Variants in PPARGC1A observed in about 807,000 individuals in gnomAD.
The protein encoded by PPARGC1A is PPARG coactivator 1 alpha.
A neutral mutation model predicts 88.7 loss-of-function variants in PPARGC1A; 25 were observed. The observed-to-expected ratio is 0.28, with a 90% CI of 0.21 to 0.39. The LOEUF is 0.39. Among genes scored for constraint, PPARGC1A ranks in the 10% least tolerant of loss-of-function variants. PPARGC1A has a pLI of 1.00. For synonymous variants in PPARGC1A, 363 were observed against 355.6 expected, an observed-to-expected ratio of 1.02 and a Z score of -0.24; for missense variants, 880 against 968.7, an observed-to-expected ratio of 0.91 and a Z score of 1.22.
At chr4:24,413,549 T>C in the PPARGC1A span, among the ~76,000 whole-genome samples, 1 of 150,844 alleles carries the variant, frequency 6.6e-6, no homozygotes, top group Non-Finnish European at 1.5e-5. Context: ...ATTAATTTAA[T>C]TCTGGCTATT....
chr4:24,398,088 A>G, the PPARGC1A span, among the ~76,000 whole-genome samples: 6 of 152,270 alleles, frequency 3.9e-5, no homozygotes, highest in African/African-American at 1.2e-4. Flanking sequence ...AGAATTGTTT[A>G]TAATAGCAAA....
At chr4:23,937,602 T>C in the PPARGC1A span, among the ~76,000 whole-genome samples, 1 of 152,178 alleles carries the variant, frequency 6.6e-6, no homozygotes, top group Non-Finnish European at 1.5e-5. Context: ...TTTTTCCTAT[T>C]AAAATAAGCA....
chr4:24,192,430 A>T, the PPARGC1A span, among the ~76,000 whole-genome samples: 1 of 152,224 alleles, frequency 6.6e-6, no homozygotes, highest in South Asian at 2.1e-4. Flanking sequence ...GTCAGTAGTT[A>T]ATGTTTAGCT....
At chr4:24,414,169 T>C in the PPARGC1A span, among the ~76,000 whole-genome samples, 1 of 152,182 alleles carries the variant, frequency 6.6e-6, no homozygotes, top group Non-Finnish European at 1.5e-5. Flanking sequence ...TACTTATTTG[T>C]GCTAAATTAT....
the PPARGC1A span, among the ~76,000 whole-genome samples, chr4:24,430,255 CTTTTTT>C: frequency 9.0e-6 from 1 of 110,774 alleles, no homozygotes. Flanking sequence ...TTTTGTATTT[CTTTTTT>C]TTTTTTTTTT....
chr4:24,315,436 T>C, the PPARGC1A span, among the ~76,000 whole-genome samples: 1 of 152,176 alleles, frequency 6.6e-6, no homozygotes, highest in Non-Finnish European at 1.5e-5. Context: ...TAGCGTTAGG[T>C]GCCAAACATC....
At chr4:24,363,390 A>G in the PPARGC1A span, among the ~76,000 whole-genome samples, 1 of 152,260 alleles carries the variant, frequency 6.6e-6, no homozygotes, top group Non-Finnish European at 1.5e-5. Context: ...ATATAGAAGT[A>G]CTTTTAACAT....
chr4:24,344,761 G>A, the PPARGC1A span, among the ~76,000 whole-genome samples: 1 of 151,924 alleles, frequency 6.6e-6, no homozygotes, highest in Non-Finnish European at 1.5e-5. Flanking sequence ...AGTTTAATTA[G>A]GTCCTAGCTA....
At chr4:24,140,686 T>C in the PPARGC1A span, among the ~76,000 whole-genome samples, 3 of 152,198 alleles carry the variant, frequency 2.0e-5, no homozygotes, top group Admixed American at 6.5e-5. Flanking sequence ...TCTTTCTTTG[T>C]GCTCACATAA....
the PPARGC1A span, among the ~76,000 whole-genome samples, chr4:24,200,466 G>A: frequency 2.2e-4 from 34 of 151,608 alleles, no homozygotes; most frequent in African/African-American, 7.0e-4. Context: ...AGCTGAGATC[G>A]CACCACTGTA....
chr4:23,928,712 A>G, the PPARGC1A span, among the ~76,000 whole-genome samples: 3 of 151,298 alleles, frequency 2.0e-5, no homozygotes, highest in Non-Finnish European at 4.4e-5. Context: ...ATGCCCATCA[A>G]TGATAGACTG....
At chr4:24,132,394 A>G in the PPARGC1A span, among the ~76,000 whole-genome samples, 1 of 152,146 alleles carries the variant, frequency 6.6e-6, no homozygotes, top group Admixed American at 6.5e-5. Flanking sequence ...AAGGCTGCCT[A>G]GAGTCCCGGT....
the PPARGC1A span, among the ~76,000 whole-genome samples, chr4:24,210,470 A>G: frequency 2.0e-4 from 31 of 152,234 alleles, no homozygotes; most frequent in African/African-American, 7.0e-4. Flanking sequence ...AAGTACTTAA[A>G]TATTGCAAAA....
chr4:24,206,130 C>A, the PPARGC1A span, among the ~76,000 whole-genome samples: 1 of 152,068 alleles, frequency 6.6e-6, no homozygotes, highest in African/African-American at 2.4e-5. Flanking sequence ...CAAGCCTTTG[C>A]TAAAGATGTA....
At chr4:24,198,386 G>A in the PPARGC1A span, among the ~76,000 whole-genome samples, 2 of 151,978 alleles carry the variant, frequency 1.3e-5, no homozygotes, top group South Asian at 4.2e-4. Context: ...TGGCTTACAG[G>A]GTCGCTGCTC....
At chr4:24,432,695 G>A in the PPARGC1A span, among the ~76,000 whole-genome samples, 1 of 152,170 alleles carries the variant, frequency 6.6e-6, no homozygotes, top group African/African-American at 2.4e-5. Flanking sequence ...GTGATCCTGA[G>A]TGTGTCACCA....
the PPARGC1A span, among the ~76,000 whole-genome samples, chr4:24,280,107 A>G: frequency 6.6e-6 from 1 of 152,084 alleles, no homozygotes; most frequent in Non-Finnish European, 1.5e-5. Context: ...TCTCATCTTT[A>G]ATGTTAACCA....
chr4:23,922,277 A>C, the PPARGC1A span, among the ~76,000 whole-genome samples: 1 of 152,184 alleles, frequency 6.6e-6, no homozygotes, highest in African/African-American at 2.4e-5. Context: ...ATCCAACAGA[A>C]GACCAGGAGT....
At chr4:23,974,213 C>T in the PPARGC1A span, among the ~76,000 whole-genome samples, 1 of 152,084 alleles carries the variant, frequency 6.6e-6, no homozygotes, top group Non-Finnish European at 1.5e-5. Flanking sequence ...GTGTGTGTGG[C>T]ATTGGGTGGG....
Sources: gnomAD v4.1 joint callset for allele counts (sites outside exome capture counted in the v4.1 genomes callset) on GRCh38, gnomAD v4.1.1 for gene constraint, MANE v1.5 for transcripts, NCBI Gene and HGNC (gene_info 2026-07-23, HGNC 2026-07-21) for gene names.